Variants in CACNA1A observed in about 807,000 individuals in gnomAD.
CACNA1A encodes voltage-dependent P/Q-type calcium channel subunit alpha-1A.
In CACNA1A, 57 loss-of-function variants were observed where a neutral mutation model predicts 262.4. The ratio of observed to expected loss-of-function variants is 0.22; its 90% confidence interval spans 0.18 to 0.27. The LOEUF is 0.27. Ranked by LOEUF, CACNA1A falls within the 10% of genes least tolerant of loss-of-function variation. The pLI, the probability that CACNA1A is intolerant of heterozygous loss-of-function variation, is 1.00. For missense variants in CACNA1A, 2,526 were observed against 3,562.8 expected (o/e 0.71, Z 7.41); for synonymous variants, 1,431 against 1,419.3 (o/e 1.01, Z -0.18).
At chr19:13,267,990 T>C (rs2144795765) in intron 24 of CACNA1A, among the ~76,000 whole-genome samples, 1 of 152,114 alleles carries the variant, frequency 6.6e-6, no homozygotes, top group South Asian at 2.1e-4. Context: ...CTCAAACTCC[T>C]GGGCTCAAGT....
chr19:13,240,508 A>C (rs992782251), intron 31 of CACNA1A, among the ~76,000 whole-genome samples: 3 of 147,654 alleles, frequency 2.0e-5, no homozygotes, highest in Admixed American at 6.7e-5. Context: ...CAGTGTGTGT[A>C]CATAGTGACT....
chr19:13,282,345 G>A (rs2057311448), intron 22 of CACNA1A, among the ~76,000 whole-genome samples: 1 of 152,056 alleles, frequency 6.6e-6, no homozygotes, highest in South Asian at 2.1e-4. Flanking sequence ...GGAGGGAGCT[G>A]GGGAGGGAAA....
At chr19:13,423,346 T>TA (rs2060347874) in intron 3 of CACNA1A, among the ~76,000 whole-genome samples, 1 of 152,136 alleles carries the variant, frequency 6.6e-6, no homozygotes, top group African/African-American at 2.4e-5. Flanking sequence ...ATCCCTACCT[T>TA]AAATTCTGGC....
At chr19:13,300,695 C>T (rs2057769571) in intron 17 of CACNA1A, 39 bp from the exon 18 acceptor site, 4 of 1,538,720 alleles carry the variant, frequency 2.6e-6, no homozygotes, top group Non-Finnish European at 3.6e-6. Flanking sequence ...AAAACATGAA[C>T]TAGGCCTTGG....
At position 13,347,067 on chromosome 19, in the gene CACNA1A, G is replaced by GT. The variant is rs35913659; in HGVS notation, c.979-11159dup. Among the ~76,000 whole-genome samples the GT allele has an allele frequency of 2.0e-3, 283 of 138,566 alleles. 5 individuals are homozygous for GT. The highest frequency in any genetic ancestry group is 3.0e-3 in the Non-Finnish European group (196 of 65,728). 90.9% of individuals were successfully genotyped at this position (138,566 alleles called of 152,430 possible). ...TCAGGTCTGTTTTTTTTGTTTTTTT[G>GT]TTTTTTTTTTTTGAGACAGTTCTTG... On this transcript the variant is annotated intron_variant, in intron 6 of 46. Coordinates refer to ENST00000360228, the MANE Select transcript of CACNA1A (RefSeq NM_001127222.2).
At chr19:13,304,047 T>C (rs1400740231) in intron 15 of CACNA1A, among the ~76,000 whole-genome samples, 163 bp from the exon 16 acceptor site, 1 of 152,060 alleles carries the variant, frequency 6.6e-6, no homozygotes, top group Admixed American at 6.6e-5. Flanking sequence ...GGCTTCTCCT[T>C]GGCTTTTCTC....
At chr19:13,468,241 T>A (rs1198152566) in intron 1 of CACNA1A, among the ~76,000 whole-genome samples, 3 of 152,114 alleles carry the variant, frequency 2.0e-5, no homozygotes, top group Admixed American at 6.5e-5. Flanking sequence ...AGTGTCAGAT[T>A]CCAAACAAGA....
intron 1 of CACNA1A, among the ~76,000 whole-genome samples, chr19:13,462,413 C>A (rs1009380441): frequency 1.3e-5 from 2 of 152,118 alleles, no homozygotes; most frequent in East Asian, 3.9e-4. Context: ...TAGAGGGTAC[C>A]AGAACCCTAG....
chr19:13,458,140 TTTC>T (rs1334755070), intron 1 of CACNA1A, among the ~76,000 whole-genome samples: 2 of 152,132 alleles, frequency 1.3e-5, no homozygotes, highest in Admixed American at 1.3e-4. Context: ...TCCCCTCTCC[TTTC>T]TTTTCTTATT....
intron 15 of CACNA1A, 63 bp from the exon 16 acceptor site, chr19:13,303,947 C>A: frequency 1.7e-6 from 2 of 1,201,868 alleles, no homozygotes; most frequent in Non-Finnish European, 2.4e-6. Flanking sequence ...CTTGGAGATG[C>A]AGCTGTGGAG....
At chr19:13,320,533 C>T (rs780739174) in intron 10 of CACNA1A, among the ~76,000 whole-genome samples, 4 of 152,182 alleles carry the variant, frequency 2.6e-5, no homozygotes, top group African/African-American at 4.8e-5. Context: ...ACTAGGTTCA[C>T]GTGCCAGCCA....
At chr19:13,360,259 G>GTATATATATATATA (rs2059079632) in intron 5 of CACNA1A, among the ~76,000 whole-genome samples, 1 of 77,828 alleles carries the variant, frequency 1.3e-5, no homozygotes, top group African/African-American at 6.6e-5. Context: ...CTGTGTGTGT[G>GTATATATATATATA]TGTGTGTATA....
At chr19:13,456,978 G>A (rs1033213331) in intron 1 of CACNA1A, among the ~76,000 whole-genome samples, 4 of 152,132 alleles carry the variant, frequency 2.6e-5, no homozygotes, top group African/African-American at 9.7e-5. Context: ...GGCCAGATGC[G>A]GTGGCTCATG....
intron 3 of CACNA1A, among the ~76,000 whole-genome samples, chr19:13,402,438 A>G (rs2059912398): frequency 6.6e-6 from 1 of 152,098 alleles, no homozygotes; most frequent in Admixed American, 6.6e-5. Context: ...GGTGCAGTGT[A>G]TACTGCCCGG....
intron 3 of CACNA1A, among the ~76,000 whole-genome samples, chr19:13,449,575 T>C (rs2060878700): frequency 6.6e-6 from 1 of 152,202 alleles, no homozygotes. Flanking sequence ...CCTCCAAAAT[T>C]GCTAGGATTA....
chr19:13,363,321 TC>T (rs2059145386), intron 5 of CACNA1A: 1 of 136,998 alleles, frequency 7.3e-6, no homozygotes, highest in Non-Finnish European at 1.6e-5. Flanking sequence ...ATTCTCTCTC[TC>T]TCTCTCTCTC....
At position 13,207,085 on chromosome 19, in the gene CACNA1A, C is replaced by A; in HGVS notation, c.*228G>T. ...GAGCCCCTGTCGTGGGTGGGGGGATCGGGGCTGGTTGGGGGGCGCCGTGGC... is the reference window on the plus strand; with the variant it reads ...GAGCCCCTGTCGTGGGTGGGGGGATAGGGGCTGGTTGGGGGGCGCCGTGGC... On this transcript the variant is annotated 3_prime_UTR_variant, in exon 47 of 47. Transcript: ENST00000360228. This position sits in a 1 kb window ranked among gnomAD's most constrained non-coding sequence, Gnocchi z 5.7. 2.8e-6 allele frequency: 1 copy of A among 356,420 alleles called. No homozygotes were observed. Among genetic ancestry groups the A allele is most frequent in the African/African-American group, 2.2e-5 (1 of 44,934 alleles). 22.1% of individuals were successfully genotyped at this position (356,420 alleles called of 1,614,324 possible).
intron 3 of CACNA1A, among the ~76,000 whole-genome samples, chr19:13,408,220 T>C (rs758892877): frequency 4.6e-5 from 7 of 152,074 alleles, no homozygotes; most frequent in Non-Finnish European, 7.4e-5. Context: ...TTACAAGAAT[T>C]AGCCTGGCGT....
chr19:13,281,810 C>T (rs893971560), intron 22 of CACNA1A, among the ~76,000 whole-genome samples: 5 of 152,144 alleles, frequency 3.3e-5, no homozygotes, highest in East Asian at 1.9e-4. Flanking sequence ...GCGAGATGGA[C>T]GAGGGAGGGG....
Sources: allele counts gnomAD v4.1 joint callset (sites outside exome capture counted in the v4.1 genomes callset), GRCh38; gene constraint gnomAD v4.1.1; non-coding constraint Gnocchi (gnomAD v3.1); transcripts MANE v1.5; gene names NCBI Gene and HGNC (gene_info 2026-07-23, HGNC 2026-07-21).